The following PDE6A variants were observed in gnomAD, a reference collection of about 807,000 sequenced individuals.
PDE6A encodes rod cGMP-specific 3',5'-cyclic phosphodiesterase subunit alpha.
Under a neutral mutation model 106.3 loss-of-function variants are expected in PDE6A, and 84 were observed. The observed-to-expected ratio is 0.79, with a 90% CI of 0.66 to 0.95. PDE6A has a LOEUF of 0.95. Among genes scored for constraint, PDE6A ranks in the 40% least tolerant of loss-of-function variants. PDE6A has a pLI of 0.00. For synonymous variants in PDE6A, 394 were observed against 386.6 expected (o/e 1.02, Z -0.23); for missense variants, 1,052 against 1,084.9 (o/e 0.97, Z 0.43).
At chr5:149,864,308 G>A (rs539155575) in intron 20 of PDE6A, among the ~76,000 whole-genome samples, 10 of 151,676 alleles carry the variant, frequency 6.6e-5, no homozygotes, top group African/African-American at 2.2e-4. Context: ...GTGCAATCTC[G>A]GCTCACTGCA....
intron 1 of PDE6A, among the ~76,000 whole-genome samples, chr5:149,942,294 T>C (rs1414018424): frequency 6.6e-6 from 1 of 152,180 alleles, no homozygotes; most frequent in Non-Finnish European, 1.5e-5. Context: ...ATTACGGTTC[T>C]TGCTATATTG....
intron 3 of PDE6A, chr5:149,932,593 T>G: frequency 6.2e-7 from 1 of 1,604,984 alleles, no homozygotes; most frequent in Non-Finnish European, 8.5e-7. Flanking sequence ...ACTTTTAACT[T>G]TTCTGGGACC....
At chr5:149,883,192 T>G (rs1305092511) in intron 17 of PDE6A, among the ~76,000 whole-genome samples, 3 of 152,262 alleles carry the variant, frequency 2.0e-5, no homozygotes, top group Non-Finnish European at 4.4e-5. Flanking sequence ...ATAACATATT[T>G]TTTTATTCAG....
chr5:149,861,622 C>T (rs767559005), intron 21 of PDE6A, among the ~76,000 whole-genome samples: 6 of 152,110 alleles, frequency 3.9e-5, no homozygotes, highest in Non-Finnish European at 5.9e-5. Flanking sequence ...TGCGCTCCAG[C>T]CTGGGCAACA....
chr5:149,932,252 AT>A, intron 3 of PDE6A: 2 of 1,410,050 alleles, frequency 1.4e-6, no homozygotes, highest in Non-Finnish European at 2.0e-6. Flanking sequence ...CCAGCTGTCC[AT>A]TTTGGCGAAC....
At chr5:149,869,520 A>T (rs1350580342) in intron 17 of PDE6A, among the ~76,000 whole-genome samples, 2 of 152,150 alleles carry the variant, frequency 1.3e-5, no homozygotes, top group Non-Finnish European at 2.9e-5. Context: ...GGAGGGAGCA[A>T]GGGGGGTGGA....
intron 6 of PDE6A, among the ~76,000 whole-genome samples, chr5:149,911,868 T>C (rs1371866744): frequency 8.0e-6 from 1 of 124,724 alleles, no homozygotes; most frequent in Non-Finnish European, 1.7e-5. Context: ...AAAAAAAAAT[T>C]ATTGGCCAGG....
At position 149,914,984 on chromosome 5, in the gene PDE6A, A is replaced by G. The variant is rs1177697170; in HGVS notation, c.957T>C (p.Ile319=). The G allele has an allele frequency of 6.2e-7, 1 of 1,608,472 alleles. No homozygotes were observed. Among genetic ancestry groups the G allele is most frequent in the Admixed American group, 1.7e-5 (1 of 59,954 alleles). ...DGREINFYKV[I]DYILHGKEDI... ...CCTCTTTGCCATGCAGGATGTAGTC[A>G]ATGACCTTGTAAAAGTTAATTTCCT... is the stretch of plus-strand genomic sequence containing the variant. Residue 319 remains isoleucine (I), a synonymous_variant, in exon 6 of 22, where the codon ATT becomes ATC. Transcript: ENST00000255266.
intron 19 of PDE6A, 167 bp from the exon 20 acceptor site, chr5:149,866,420 G>T: frequency 1.7e-6 from 1 of 588,368 alleles, no homozygotes; most frequent in Non-Finnish European, 3.0e-6. Context: ...AACACCATGA[G>T]GGTGTAACCA....
At position 149,892,700 on chromosome 5, in the gene PDE6A, C is replaced by T. The variant is rs145248793; in HGVS notation, c.1728+2483G>A. 6.0e-4 allele frequency among the ~76,000 whole-genome samples: 92 copies of T among 152,114 alleles called. 1 individual carries two copies. The highest frequency in any genetic ancestry group is 2.1e-3 in the African/African-American group (88 of 41,504). On this transcript the variant is annotated intron_variant, in intron 13 of 21. Coordinates refer to ENST00000255266, the MANE Select transcript of PDE6A (RefSeq NM_000440.3). ...GTGATGGAGTTTCACAGGCTGACCTCGAACTCCTGGGCTCAAACATTCCAC... is the reference window on the plus strand; with the variant it reads ...GTGATGGAGTTTCACAGGCTGACCTTGAACTCCTGGGCTCAAACATTCCAC...
At chr5:149,914,920 G>C (rs1300673041) in intron 6 of PDE6A, 23 bp downstream of exon 6, 1 of 1,538,110 alleles carries the variant, frequency 6.5e-7, no homozygotes, top group Non-Finnish European at 9.0e-7. Context: ...TTGTCATTTT[G>C]TCTTTTGACA....
chr5:149,891,268 G>A (rs547188100), intron 13 of PDE6A, among the ~76,000 whole-genome samples: 2 of 152,166 alleles, frequency 1.3e-5, no homozygotes, highest in Admixed American at 6.5e-5. Flanking sequence ...TCAGGAGTTC[G>A]AGACCAGCCT....
chr5:149,928,126 T>C (rs1320374506), intron 4 of PDE6A, among the ~76,000 whole-genome samples: 2 of 148,082 alleles, frequency 1.4e-5, no homozygotes, highest in Non-Finnish European at 3.0e-5. Flanking sequence ...AAAGTTGTAG[T>C]ATAGTAAATA....
At chr5:149,896,951 T>A (rs1752778222) in intron 10 of PDE6A, among the ~76,000 whole-genome samples, 175 bp from the exon 11 acceptor site, 1 of 152,260 alleles carries the variant, frequency 6.6e-6, no homozygotes, top group South Asian at 2.1e-4. Context: ...CATAGAGACC[T>A]GCATTCAAAT....
chr5:149,924,782 C>T (rs928195399), intron 4 of PDE6A, among the ~76,000 whole-genome samples: 4 of 152,192 alleles, frequency 2.6e-5, no homozygotes, highest in African/African-American at 9.7e-5. Context: ...AGATGTAAAC[C>T]TGACCCTTGA....
At chr5:149,876,850 G>A in intron 17 of PDE6A, among the ~76,000 whole-genome samples, 1 of 151,690 alleles carries the variant, frequency 6.6e-6, no homozygotes, top group East Asian at 1.9e-4. Context: ...TCTAAGAAAG[G>A]TAAAGGTACA....
intron 4 of PDE6A, among the ~76,000 whole-genome samples, chr5:149,922,746 A>C (rs575426600): frequency 5.9e-5 from 9 of 152,358 alleles, no homozygotes; most frequent in African/African-American, 2.2e-4. Context: ...GAAAGAAAAA[A>C]ATGATATCAA....
At chr5:149,895,863 T>C (rs1448726437) in intron 12 of PDE6A, among the ~76,000 whole-genome samples, 3 of 152,226 alleles carry the variant, frequency 2.0e-5, no homozygotes, top group Middle Eastern at 3.4e-3. Flanking sequence ...GGATGTGGTC[T>C]GGGGTAACAC....
At chr5:149,906,487 C>G (rs564591586) in intron 7 of PDE6A, among the ~76,000 whole-genome samples, 11 of 118,408 alleles carry the variant, frequency 9.3e-5, no homozygotes, top group Non-Finnish European at 1.6e-4. Context: ...ATTCTCACCA[C>G]TGCATTCCAG....
Sources: gnomAD v4.1 joint callset for allele counts (sites outside exome capture counted in the v4.1 genomes callset) on GRCh38, gnomAD v4.1.1 for gene constraint, MANE v1.5 for transcripts, NCBI Gene and HGNC (gene_info 2026-07-23, HGNC 2026-07-21) for gene names.